The following ACACB variants were observed in gnomAD, a reference collection of about 807,000 sequenced individuals.
ACACB encodes the protein acetyl-CoA carboxylase 2.
A neutral mutation model predicts 278.8 loss-of-function variants in ACACB; 209 were observed. The ratio of observed to expected loss-of-function variants is 0.75; its 90% CI spans 0.67 to 0.84. The LOEUF (loss-of-function observed/expected upper bound fraction) is 0.84, where lower values mean the gene tolerates loss of function less well. Ranked by LOEUF, ACACB falls within the 40% of genes least tolerant of loss-of-function variation. The pLI, the probability that ACACB is intolerant of heterozygous loss-of-function variation, is 0.00. For synonymous variants in ACACB, 1,174 were observed against 1,285.6 expected (o/e 0.91, Z 1.86); for missense variants, 2,850 against 3,269.0 (o/e 0.87, Z 3.13).
At chr12:109,133,065 A>G (rs981454525) in intron 1 of ACACB, among the ~76,000 whole-genome samples, 4 of 152,162 alleles carry the variant, frequency 2.6e-5, no homozygotes, top group African/African-American at 9.7e-5. Context: ...TTAATCAGCC[A>G]TCCATTTGTC....
chr12:109,263,996 C>G (rs2047445849), intron 49 of ACACB: 1 of 499,424 alleles, frequency 2.0e-6, no homozygotes, highest in Non-Finnish European at 3.6e-6. Flanking sequence ...ACAAAGGGGG[C>G]CATCAAGATG....
At chr12:109,142,828 A>G (rs953555963) in intron 2 of ACACB, among the ~76,000 whole-genome samples, 5 of 152,140 alleles carry the variant, frequency 3.3e-5, no homozygotes, top group African/African-American at 1.2e-4. Flanking sequence ...TGGCCTCCCA[A>G]AGTGCTGGAA....
At chr12:109,212,619 T>C (rs1013552803) in intron 21 of ACACB, among the ~76,000 whole-genome samples, 1 of 151,954 alleles carries the variant, frequency 6.6e-6, no homozygotes, top group Non-Finnish European at 1.5e-5. Flanking sequence ...TGACAGGAGG[T>C]GGAGCTCAGA....
intron 9 of ACACB, among the ~76,000 whole-genome samples, chr12:109,177,855 T>G (rs2044329753): frequency 6.6e-6 from 1 of 152,132 alleles, no homozygotes; most frequent in Non-Finnish European, 1.5e-5. Context: ...AAAATAGACT[T>G]TATTTATTAG....
At chr12:109,147,138 C>G (rs1400973537) in intron 2 of ACACB, among the ~76,000 whole-genome samples, 1 of 152,124 alleles carries the variant, frequency 6.6e-6, no homozygotes, top group African/African-American at 2.4e-5. Context: ...AAAAATCTAC[C>G]CCCCAATTAC....
intron 1 of ACACB, among the ~76,000 whole-genome samples, chr12:109,130,961 A>T (rs1331538324): frequency 6.6e-6 from 1 of 152,114 alleles, no homozygotes; most frequent in African/African-American, 2.4e-5. Context: ...ACATCTGTCG[A>T]TGCTGTTTTC....
Position 109,254,335 on chromosome 12 carries a change from G to C in ACACB, c.6166+1G>C. 6.2e-7 allele frequency: 1 copy of C among 1,611,128 alleles called. No individual in the cohort carries two copies. Among genetic ancestry groups the C allele is most frequent in the Non-Finnish European group, 8.5e-7 (1 of 1,179,104 alleles). The stretch of plus-strand genomic sequence containing the variant: ...ATGCTTGCAGGAAGGCCTCACCCAA[G>C]TAAGTTCTAAAGTATTTTGCCTAGG... On this transcript the variant is annotated splice_donor_variant, in intron 44 of 52. Transcript: ENST00000338432. LOFTEE classifies it high-confidence loss of function.
intron 39 of ACACB, 101 bp from the exon 40 acceptor site, chr12:109,247,505 T>C (rs1777385711): frequency 5.1e-6 from 4 of 782,882 alleles, no homozygotes; most frequent in Middle Eastern, 7.5e-4. Context: ...TACTAACATG[T>C]TATTAACATC....
In ACACB at chr12:109,158,629, T is replaced by C. The variant is rs530987104; in HGVS notation, c.654-8232T>C. Among the ~76,000 whole-genome samples, 3 of 152,176 alleles carry C rather than the reference T, an allele frequency of 2.0e-5. No individual in the cohort carries two copies. In the South Asian group the frequency reaches 6.2e-4, roughly 32 times the overall value. On this transcript the variant is annotated intron_variant, in intron 2 of 52. Coordinates refer to ENST00000338432, the MANE Select transcript of ACACB (RefSeq NM_001093.4). Reference sequence around the variant, plus strand: ...AGTTTGAGGCTGCAGTGAACTATTTTTGCACCACTGCACTGTAGTCCTGGC... The same window carrying C: ...AGTTTGAGGCTGCAGTGAACTATTTCTGCACCACTGCACTGTAGTCCTGGC...
intron 1 of ACACB, among the ~76,000 whole-genome samples, chr12:109,120,091 C>T (rs1440183979): frequency 6.6e-6 from 1 of 152,186 alleles, no homozygotes; most frequent in African/African-American, 2.4e-5. Context: ...GGACATGCCC[C>T]TCCCAACTGA....
chr12:109,205,801 GA>G (rs2045486574), intron 19 of ACACB, among the ~76,000 whole-genome samples: 1 of 151,668 alleles, frequency 6.6e-6, no homozygotes, highest in African/African-American at 2.4e-5. Context: ...TAGGGGTGGG[GA>G]TGGGTGTGGG....
chr12:109,262,398 T>G lies in ACACB; in HGVS notation c.6716T>G (p.Phe2239Cys). 1 of 1,613,500 alleles carries G rather than the reference T, an allele frequency of 6.2e-7. No homozygotes were observed. Among genetic ancestry groups the G allele is most frequent in the Non-Finnish European group, 8.5e-7 (1 of 1,179,788 alleles). The change falls in exon 49 of 53, where the codon TTC becomes TGC. Residue 2239 changes from phenylalanine (F) to cysteine (C), a missense_variant. Physicochemically the swap from Phe to Cys is radical, Grantham distance 205 (BLOSUM62 -2). Around this residue, in one of 3 missense-constraint regions of ACACB, gnomAD observed 579 missense variants for 684.6 expected, o/e 0.85. Transcript: ENST00000338432. ...CCAGAGGGGACAGTGGAGATTAAGT[T>G]CCGAAAGAAAGATCTGATAAAGTCC... The part of the protein sequence containing the change: ...LEPEGTVEIK[F>C]RKKDLIKSMR...
Position 109,237,235 on chromosome 12 carries a change from G to A in ACACB, c.4517G>A (p.Arg1506His), listed in dbSNP as rs376720236. 23 of 1,614,044 alleles carry A rather than the reference G, an allele frequency of 1.4e-5. No homozygotes were observed. Among genetic ancestry groups the A allele is most frequent in the Admixed American group, 8.3e-5 (5 of 59,982 alleles). ...TTCCAGCTGGAACTTAACCGGATGC[G>A]TAACTTCGATCTGACCGCCGTGCCC... ...LAFQLELNRM[R>H]NFDLTAVPCA... Residue 1506 changes from arginine to histidine, a missense_variant, in exon 34 of 53, where the codon CGT becomes CAT. This residue lies in a region of ACACB where 2,265 missense variants were observed against 2,561.3 expected (regional missense o/e 0.88). Coordinates refer to ENST00000338432, the MANE Select transcript of ACACB (RefSeq NM_001093.4).
intron 43 of ACACB, 77 bp from the exon 44 acceptor site, chr12:109,254,136 CA>C: frequency 6.4e-7 from 1 of 1,553,158 alleles, no homozygotes; most frequent in Admixed American, 1.7e-5. Flanking sequence ...TAATCATAGT[CA>C]GAGGAGCAAA....
intron 10 of ACACB, among the ~76,000 whole-genome samples, chr12:109,179,578 C>T (rs1463216012): frequency 6.6e-6 from 1 of 152,156 alleles, no homozygotes; most frequent in East Asian, 1.9e-4. Context: ...CCTGTAACTC[C>T]TGGGCTCAAG....
chr12:109,146,650 C>A (rs1346234628), intron 2 of ACACB, among the ~76,000 whole-genome samples: 1 of 152,110 alleles, frequency 6.6e-6, no homozygotes, highest in African/African-American at 2.4e-5. Context: ...TGTTTTGACG[C>A]TTTGTTGTCG....
At chr12:109,226,700 A>C (rs1294706620) in intron 27 of ACACB, among the ~76,000 whole-genome samples, 1 of 71,114 alleles carries the variant, frequency 1.4e-5, no homozygotes, top group South Asian at 4.4e-4. Flanking sequence ...ACTCCATCTC[A>C]AAAAAAAAAA....
intron 37 of ACACB, among the ~76,000 whole-genome samples, chr12:109,243,455 C>A (rs2046855426): frequency 6.6e-6 from 1 of 151,978 alleles, no homozygotes; most frequent in South Asian, 2.1e-4. Flanking sequence ...GAAAATTAAC[C>A]AGGCGTAGTG....
intron 38 of ACACB, 116 bp from the exon 39 acceptor site, chr12:109,246,063 C>T (rs2136705162): frequency 8.0e-7 from 1 of 1,248,562 alleles, no homozygotes. Flanking sequence ...GCACTCTGGC[C>T]TGCGCAACAG....
Sources: allele counts gnomAD v4.1 joint callset (sites outside exome capture counted in the v4.1 genomes callset), GRCh38; gene constraint gnomAD v4.1.1; regional missense constraint gnomAD v4.1.1; transcripts MANE v1.5; gene names NCBI Gene and HGNC (gene_info 2026-07-23, HGNC 2026-07-21).